GHR: variants seen among roughly 807,000 people sequenced by gnomAD.
GHR encodes GH receptor.
GHR carries 35 observed loss-of-function variants against 67.1 expected under a neutral mutation model. The ratio of observed to expected loss-of-function variants is 0.52; its 90% confidence interval spans 0.40 to 0.69. The LOEUF (loss-of-function observed/expected upper bound fraction) is 0.69, where lower values mean the gene tolerates loss of function less well. Among genes scored for constraint, GHR ranks in the 30% least tolerant of loss-of-function variants. GHR has a pLI of 0.00. For synonymous variants in GHR, 272 were observed against 269.1 expected (o/e 1.01, Z -0.10); for missense variants, 792 against 764.6 (o/e 1.04, Z -0.42).
chr5:42,440,151 C>A (rs879789367), intron 1 of GHR, among the ~76,000 whole-genome samples: 10 of 152,208 alleles, frequency 6.6e-5, no homozygotes, highest in Non-Finnish European at 1.2e-4. Flanking sequence ...CCCAGTGGAG[C>A]ACTGGACTAG....
rs369969554 is a variant in GHR at position 42,576,699 on chromosome 5, G to C, written c.70+10755G>C. On this transcript the variant is annotated intron_variant, in intron 2 of 9. Coordinates refer to ENST00000230882, the MANE Select transcript of GHR (RefSeq NM_000163.5). ...TGTTTCTAATGTTTAAGACATAATA[G>C]CATAAGCCTTTATAAAATGGGATAC... 2.6e-4 allele frequency among the ~76,000 whole-genome samples: 40 copies of C among 152,334 alleles called. No individual in the cohort carries two copies. In the South Asian group the frequency reaches 8.3e-3, roughly 32 times the overall value.
intron 8 of GHR, 133 bp downstream of exon 8, chr5:42,713,652 C>T: frequency 1.5e-6 from 1 of 664,566 alleles, no homozygotes; most frequent in Non-Finnish European, 2.7e-6. Flanking sequence ...ACACTTTTAT[C>T]TCCAGTTATA....
Position 42,423,905 on chromosome 5 carries a change from C to T in GHR, c.-62C>T, listed in dbSNP as rs1175186716. On this transcript the variant is annotated 5_prime_UTR_variant, in exon 1 of 10. Transcript: ENST00000230882. Reference sequence around the variant, plus strand: ...GGGCCGGAGGCCCCGGCACCATTGGCCCCAGCGCAGACGCGAACCCGCGCT... The same window carrying T: ...GGGCCGGAGGCCCCGGCACCATTGGTCCCAGCGCAGACGCGAACCCGCGCT... 1 of 154,418 alleles carries T rather than the reference C, an allele frequency of 6.5e-6. No individual in the cohort carries two copies. Among genetic ancestry groups the T allele is most frequent in the South Asian group, 1.8e-4 (1 of 5,690 alleles). The allele number at this position is 154,418 out of a possible 1,614,324, so 9.6% of individuals were successfully genotyped here. A position where few individuals can be genotyped will look rare whatever the true frequency, so the allele number is the denominator to read the frequency against.
intron 1 of GHR, chr5:42,467,523 A>G: frequency 8.0e-7 from 1 of 1,250,880 alleles, no homozygotes; most frequent in Non-Finnish European, 1.2e-6. Flanking sequence ...AGCTATAACT[A>G]AAGGCTTTCT....
At chr5:42,679,136 T>A (rs1398967342) in intron 3 of GHR, among the ~76,000 whole-genome samples, 1 of 140,132 alleles carries the variant, frequency 7.1e-6, no homozygotes, top group Non-Finnish European at 1.5e-5. Flanking sequence ...TATTAATTAA[T>A]ATATTATATA....
intron 3 of GHR, among the ~76,000 whole-genome samples, chr5:42,642,264 T>A (rs931549942): frequency 2.6e-5 from 4 of 152,172 alleles, no homozygotes; most frequent in Non-Finnish European, 5.9e-5. Flanking sequence ...ATCCGTACAA[T>A]GAATTTCACA....
At chr5:42,606,518 G>C (rs1332291840) in intron 2 of GHR, among the ~76,000 whole-genome samples, 1 of 152,014 alleles carries the variant, frequency 6.6e-6, no homozygotes, top group East Asian at 1.9e-4. Flanking sequence ...AAGAGGAGAA[G>C]GTGCCAGGCT....
At position 42,437,529 on chromosome 5, in the gene GHR, A is replaced by ATATTTATTTATTTATT. The variant is rs375521431; in HGVS notation, c.-12+13596_-12+13611dup. Among the ~76,000 whole-genome samples the ATATTTATTTATTTATT allele has an allele frequency of 9.3e-4, 137 of 148,016 alleles. 3 individuals are homozygous for ATATTTATTTATTTATT. The highest frequency in any genetic ancestry group is 3.2e-3 in the African/African-American group (128 of 40,022). On this transcript the variant is annotated intron_variant, in intron 1 of 9. Transcript: ENST00000230882. ...AACAGCCTCTCTTCTTATTATTTTTATATTTATTTATTTATTTATTTATTT... is the reference window on the plus strand; with the variant it reads ...AACAGCCTCTCTTCTTATTATTTTTATATTTATTTATTTATTTATTTATTTATTTATTTATTTATTT...
intron 2 of GHR, among the ~76,000 whole-genome samples, chr5:42,573,491 G>A (rs1750452151): frequency 6.6e-6 from 1 of 152,128 alleles, no homozygotes; most frequent in South Asian, 2.1e-4. Flanking sequence ...ACCAGTCACT[G>A]GCCAACATTC....
intron 1 of GHR, among the ~76,000 whole-genome samples, chr5:42,505,506 A>C (rs1312607277): frequency 1.3e-5 from 2 of 152,272 alleles, no homozygotes; most frequent in East Asian, 3.9e-4. Flanking sequence ...TACATTTGTT[A>C]GAAAGATAAG....
chr5:42,468,729 G>C, intron 1 of GHR: 2 of 997,144 alleles, frequency 2.0e-6, no homozygotes, highest in Middle Eastern at 3.2e-4. Context: ...TGGCCCCAGA[G>C]ACGCCGCCCC....
At chr5:42,597,714 C>A (rs1752153271) in intron 2 of GHR, among the ~76,000 whole-genome samples, 1 of 152,154 alleles carries the variant, frequency 6.6e-6, no homozygotes, top group African/African-American at 2.4e-5. Context: ...AGTGCAACTC[C>A]ATGTATCCAG....
At chr5:42,473,912 G>T (rs1162864663) in intron 1 of GHR, among the ~76,000 whole-genome samples, 7 of 151,558 alleles carry the variant, frequency 4.6e-5, no homozygotes, top group African/African-American at 1.5e-4. Flanking sequence ...GTCTAGCCAG[G>T]CGTGGTGGTT....
In GHR at chr5:42,657,701, A is replaced by G. The variant is rs147214584; in HGVS notation, c.136+28598A>G. On this transcript the variant is annotated intron_variant, in intron 3 of 9. Coordinates refer to ENST00000230882, the MANE Select transcript of GHR (RefSeq NM_000163.5). ...CTCTATTTCCTACTGTAACTTCTCT[A>G]TGAAGTACTATAAGTCTACAGTAAC... Among the ~76,000 whole-genome samples, 385 of 152,290 alleles carry G rather than the reference A, an allele frequency of 2.5e-3. 1 individual carries two copies. The highest frequency in any genetic ancestry group is 8.6e-3 in the African/African-American group (357 of 41,570).
intron 3 of GHR, among the ~76,000 whole-genome samples, chr5:42,635,806 T>C (rs1169783589): frequency 1.3e-5 from 2 of 152,202 alleles, no homozygotes; most frequent in Admixed American, 1.3e-4. Context: ...CTTCTGGTTG[T>C]AAACATATAC....
At chr5:42,715,402 C>A (rs1021884203) in intron 8 of GHR, among the ~76,000 whole-genome samples, 1 of 152,154 alleles carries the variant, frequency 6.6e-6, no homozygotes, top group Non-Finnish European at 1.5e-5. Context: ...GTCCTACATG[C>A]CTTTGAAATT....
chr5:42,457,439 A>C (rs1186882192), intron 1 of GHR, among the ~76,000 whole-genome samples: 2 of 152,216 alleles, frequency 1.3e-5, no homozygotes, highest in African/African-American at 2.4e-5. Flanking sequence ...ATGTGCCAGC[A>C]GTGTTCCAAG....
intron 3 of GHR, among the ~76,000 whole-genome samples, chr5:42,663,514 T>C (rs912731641): frequency 6.6e-6 from 1 of 152,224 alleles, no homozygotes; most frequent in Non-Finnish European, 1.5e-5. Context: ...TCTCAATAGA[T>C]GCAGAAAAGT....
intron 1 of GHR, among the ~76,000 whole-genome samples, chr5:42,533,953 T>C (rs1345085003): frequency 4.0e-5 from 6 of 151,478 alleles, no homozygotes; most frequent in Non-Finnish European, 8.8e-5. Flanking sequence ...CCTGAGTTAC[T>C]TCACTTAGAA....
Sources: gnomAD v4.1 joint callset for allele counts (sites outside exome capture counted in the v4.1 genomes callset) on GRCh38, gnomAD v4.1.1 for gene constraint, MANE v1.5 for transcripts, NCBI Gene and HGNC (gene_info 2026-07-23, HGNC 2026-07-21) for gene names.